MFSD11: variants seen among roughly 807,000 people sequenced by gnomAD.
The protein encoded by MFSD11 is major facilitator superfamily domain containing 11.
A neutral mutation model predicts 53.5 loss-of-function variants in MFSD11; 36 were observed. The ratio of observed to expected loss-of-function variants is 0.67; its 90% confidence interval spans 0.52 to 0.89. The LOEUF (loss-of-function observed/expected upper bound fraction) is 0.89, where lower values mean the gene tolerates loss of function less well. Ranked by LOEUF, MFSD11 falls within the 40% of genes least tolerant of loss-of-function variation. The pLI, the probability that MFSD11 is intolerant of heterozygous loss-of-function variation, is 0.00. For synonymous variants in MFSD11, 186 were observed against 184.9 expected, an observed-to-expected ratio of 1.01 and a Z score of -0.05; for missense variants, 530 against 543.9, an observed-to-expected ratio of 0.97 and a Z score of 0.25.
chr17:76,743,502 A>G, intron 6 of MFSD11, 46 bp downstream of exon 6: 1 of 1,239,658 alleles, frequency 8.1e-7, no homozygotes, highest in Non-Finnish European at 1.1e-6. Flanking sequence ...TCAAAGCATA[A>G]TAGGAGTTAT....
intron 7 of MFSD11, among the ~76,000 whole-genome samples, chr17:76,749,107 G>T (rs963065358): frequency 6.6e-6 from 1 of 152,152 alleles, no homozygotes; most frequent in Non-Finnish European, 1.5e-5. Context: ...CCCATCTAAA[G>T]TATACACTTC....
chr17:76,802,586 C>A, the MFSD11 span, among the ~76,000 whole-genome samples: 4 of 152,072 alleles, frequency 2.6e-5, no homozygotes, highest in African/African-American at 9.7e-5. Flanking sequence ...GTGGTTTATC[C>A]GTACAGTGGA....
chr17:76,770,022 ATTCTTT>A (rs1568105850), intron 10 of MFSD11, 151 bp downstream of exon 10: 1 of 588,202 alleles, frequency 1.7e-6, no homozygotes, highest in Non-Finnish European at 2.7e-6. Flanking sequence ...TATTATTGCT[ATTCTTT>A]TTCTTTTTTT....
chr17:76,786,061 C>T (rs1196518657), downstream of MFSD11, among the ~76,000 whole-genome samples: 6 of 105,530 alleles, frequency 5.7e-5, no homozygotes, highest in East Asian at 1.9e-3. Context: ...GGCAACAGAG[C>T]AAGACTCCAT....
the MFSD11 span, among the ~76,000 whole-genome samples, chr17:76,789,721 T>C: frequency 8.0e-5 from 12 of 150,050 alleles, 1 homozygote; most frequent in African/African-American, 2.9e-4. Context: ...CTGCCTACTC[T>C]AACATACTGA....
At chr17:76,774,745 C>T (rs944530188) in intron 10 of MFSD11, among the ~76,000 whole-genome samples, 8 of 152,112 alleles carry the variant, frequency 5.3e-5, no homozygotes, top group South Asian at 2.1e-4. Flanking sequence ...TTGTGGGGTA[C>T]AATAATTCAC....
At chr17:76,741,942 G>A (rs2144115208) in intron 3 of MFSD11, 27 bp from the exon 4 acceptor site, 2 of 1,614,040 alleles carry the variant, frequency 1.2e-6, no homozygotes, top group Non-Finnish European at 1.7e-6. Context: ...TCGTTTGACT[G>A]TAATACCTTG....
At chr17:76,747,071 G>A (rs534409509) in intron 7 of MFSD11, among the ~76,000 whole-genome samples, 1 of 152,052 alleles carries the variant, frequency 6.6e-6, no homozygotes, top group South Asian at 2.1e-4. Flanking sequence ...CACCATGCCT[G>A]GCTAATTTCA....
chr17:76,788,771 T>C, the MFSD11 span, among the ~76,000 whole-genome samples: 6 of 148,702 alleles, frequency 4.0e-5, no homozygotes, highest in Non-Finnish European at 9.0e-5. Context: ...GAGAATCACT[T>C]GAACCTGGGA....
At chr17:76,741,604 G>A (rs2078089107) in intron 3 of MFSD11, among the ~76,000 whole-genome samples, 1 of 152,170 alleles carries the variant, frequency 6.6e-6, no homozygotes, top group East Asian at 1.9e-4. Flanking sequence ...GGGCAACATG[G>A]TGAAACCCTT....
chr17:76,742,933 T>C (rs906797176), intron 5 of MFSD11, among the ~76,000 whole-genome samples: 13 of 152,218 alleles, frequency 8.5e-5, no homozygotes, highest in African/African-American at 2.9e-4. Flanking sequence ...GCTTAACAAA[T>C]GCAAATGTTA....
chr17:76,738,052 C>T (rs2077664405), upstream of MFSD11: 1 of 401,586 alleles, frequency 2.5e-6, no homozygotes, highest in Non-Finnish European at 4.4e-6. Flanking sequence ...TGGCACTTGG[C>T]CCTTTAATCC....
At chr17:76,765,628 A>C (rs2080780060) in intron 8 of MFSD11, among the ~76,000 whole-genome samples, 1 of 151,644 alleles carries the variant, frequency 6.6e-6, no homozygotes, top group African/African-American at 2.4e-5. Context: ...ATGCCTGGCT[A>C]ATTTTTGTAG....
intron 8 of MFSD11, among the ~76,000 whole-genome samples, chr17:76,757,793 G>A (rs1373671176): frequency 1.3e-5 from 2 of 152,050 alleles, no homozygotes; most frequent in South Asian, 2.1e-4. Context: ...GGTGGATCAC[G>A]AGGTCAGGAG....
upstream of MFSD11, chr17:76,736,827 C>T (rs1211825234): frequency 3.1e-6 from 5 of 1,599,890 alleles, no homozygotes; most frequent in African/African-American, 1.3e-5. Flanking sequence ...TAGCCACCGC[C>T]CCCGTACCTG....
intron 7 of MFSD11, among the ~76,000 whole-genome samples, chr17:76,750,495 C>G (rs527967759): frequency 6.0e-5 from 9 of 150,856 alleles, no homozygotes; most frequent in Non-Finnish European, 1.2e-4. Flanking sequence ...GTAGCTGGGA[C>G]TACAGGCTCC....
chr17:76,776,426 G>A lies in MFSD11; in HGVS notation c.1070G>A (p.Cys357Tyr). Residue 357 changes from cysteine (C) to tyrosine (Y), a missense_variant, in exon 12 of 13, where the codon TGC becomes TAC. Transcript: ENST00000685175. The surrounding 1 kb of genome is among the most constrained non-coding windows in gnomAD (Gnocchi z 4.2). ...TTCAGCAAAGAAGTTGCCATTCTCT[G>A]CAGTTTTCTGTTGGGCCTTGGAGAC... The part of the protein sequence containing the change: ...IKSSKEVAIL[C>Y]SFLLGLGDSC... The A allele has an allele frequency of 6.2e-7, 1 of 1,613,672 alleles. No individual in the cohort carries two copies. The highest frequency in any genetic ancestry group is 2.2e-5 in the East Asian group (1 of 44,876).
the MFSD11 span, among the ~76,000 whole-genome samples, chr17:76,788,768 A>C: frequency 5.4e-5 from 8 of 147,442 alleles, no homozygotes; most frequent in South Asian, 1.6e-3. Context: ...CAGGAGAATC[A>C]CTTGAACCTG....
At chr17:76,748,544 A>G (rs1402574315) in intron 7 of MFSD11, among the ~76,000 whole-genome samples, 1 of 151,546 alleles carries the variant, frequency 6.6e-6, no homozygotes, top group Non-Finnish European at 1.5e-5. Flanking sequence ...AAAATGAGCC[A>G]GGTGTGGTGG....
Sources: gnomAD v4.1 joint callset for allele counts (sites outside exome capture counted in the v4.1 genomes callset) on GRCh38, gnomAD v4.1.1 for gene constraint, Gnocchi (gnomAD v3.1) non-coding constraint, MANE v1.5 for transcripts, NCBI Gene and HGNC (gene_info 2026-07-23, HGNC 2026-07-21) for gene names.